Variants in GABBR2 observed in about 807,000 individuals in gnomAD.
GABBR2 encodes the protein G-protein coupled receptor 51.
Under a neutral mutation model 105.6 loss-of-function variants are expected in GABBR2, and 23 were observed. The observed-to-expected ratio is 0.22, with a 90% CI of 0.16 to 0.31. The LOEUF (loss-of-function observed/expected upper bound fraction) is 0.31, where lower values mean the gene tolerates loss of function less well. Among genes scored for constraint, GABBR2 ranks in the 10% least tolerant of loss-of-function variants. GABBR2 has a pLI of 1.00. For synonymous variants in GABBR2, 478 were observed against 499.7 expected (o/e 0.96, Z 0.58); for missense variants, 734 against 1,245.5 (o/e 0.59, Z 6.18).
At chr9:98,553,484 C>G (rs565161299) in intron 2 of GABBR2, among the ~76,000 whole-genome samples, 1 of 151,882 alleles carries the variant, frequency 6.6e-6, no homozygotes, top group South Asian at 2.1e-4. Flanking sequence ...CTCAGCTACT[C>G]GGGAGGCTGA....
At position 98,697,414 on chromosome 9, in the gene GABBR2, A is replaced by C. The variant is rs561396749; in HGVS notation, c.321+11003T>G. On this transcript the variant is annotated intron_variant, in intron 1 of 18. Transcript: ENST00000259455. ...GCGGAGGCAGGAGAATGGCGTGAACACGGGAGGCGGAGTTTGCAGTGAGCG... is the reference window on the plus strand; with the variant it reads ...GCGGAGGCAGGAGAATGGCGTGAACCCGGGAGGCGGAGTTTGCAGTGAGCG... 3.3e-3 allele frequency among the ~76,000 whole-genome samples: 506 copies of C among 151,710 alleles called. 10 individuals carry two copies. In the East Asian group the frequency reaches 0.04, roughly 12 times the overall value.
At chr9:98,618,272 A>G (rs1829615828) in intron 1 of GABBR2, among the ~76,000 whole-genome samples, 1 of 152,172 alleles carries the variant, frequency 6.6e-6, no homozygotes, top group Admixed American at 6.5e-5. Context: ...CACACTTGGC[A>G]TAATTACTAG....
At chr9:98,511,149 A>G (rs28888086) in intron 3 of GABBR2, among the ~76,000 whole-genome samples, 13,402 of 152,166 alleles carry the variant, frequency 0.088, 686 homozygotes, top group African/African-American at 0.12. Context: ...CTGCACCTCA[A>G]TGACTACTGG....
intron 13 of GABBR2, among the ~76,000 whole-genome samples, chr9:98,353,260 C>T (rs1831431240): frequency 6.6e-6 from 1 of 151,654 alleles, no homozygotes; most frequent in South Asian, 2.1e-4. Context: ...AAAGTTTTAT[C>T]ATGAGATTGC....
chr9:98,314,858 C>T (rs1358941548), intron 13 of GABBR2, among the ~76,000 whole-genome samples: 1 of 152,204 alleles, frequency 6.6e-6, no homozygotes, highest in African/African-American at 2.4e-5. Context: ...ACCACTCCTA[C>T]AGGCTTTGAA....
intron 11 of GABBR2, among the ~76,000 whole-genome samples, chr9:98,371,818 C>T (rs540379725): frequency 2.3e-4 from 35 of 152,328 alleles, no homozygotes; most frequent in African/African-American, 8.4e-4. Flanking sequence ...CTTAGATGGG[C>T]CTAGAGAGAG....
chr9:98,367,972 C>A (rs473589), intron 12 of GABBR2, among the ~76,000 whole-genome samples: 56,397 of 151,940 alleles, frequency 0.37, 13,464 homozygotes, highest in African/African-American at 0.68. Flanking sequence ...CATTTTAACC[C>A]TTTTTAAGTG....
intron 1 of GABBR2, among the ~76,000 whole-genome samples, chr9:98,603,188 A>AT (rs1409745732): frequency 6.6e-6 from 1 of 152,184 alleles, no homozygotes; most frequent in Admixed American, 6.5e-5. Flanking sequence ...AGAGCACCTC[A>AT]TTTCATTTGC....
intron 2 of GABBR2, among the ~76,000 whole-genome samples, chr9:98,577,636 C>T (rs577915152): frequency 6.6e-6 from 1 of 152,274 alleles, no homozygotes; most frequent in African/African-American, 2.4e-5. Context: ...CAGGAGATAA[C>T]ACTGGGCAGG....
intron 7 of GABBR2, among the ~76,000 whole-genome samples, chr9:98,440,825 C>G (rs976224187): frequency 5.3e-5 from 8 of 152,296 alleles, no homozygotes; most frequent in African/African-American, 1.9e-4. Context: ...CACAGCCATG[C>G]CATCCTGTCG....
chr9:98,482,499 C>G (rs1826946790), intron 4 of GABBR2, among the ~76,000 whole-genome samples: 1 of 152,128 alleles, frequency 6.6e-6, no homozygotes, highest in Non-Finnish European at 1.5e-5. Context: ...GATCTTTCTG[C>G]TTGTTCGTTA....
chr9:98,688,588 G>GTT (rs1830649419), intron 1 of GABBR2, among the ~76,000 whole-genome samples: 1 of 152,002 alleles, frequency 6.6e-6, no homozygotes, highest in African/African-American at 2.4e-5. Context: ...CATTTGCTAG[G>GTT]ACCTAGCTCC....
intron 11 of GABBR2, among the ~76,000 whole-genome samples, chr9:98,378,031 T>C (rs9886725): frequency 0.16 from 24,014 of 152,224 alleles, 3,044 homozygotes; most frequent in African/African-American, 0.35. Flanking sequence ...ACCCACATTA[T>C]TACATTGTTT....
chr9:98,431,032 A>G (rs7029453), intron 7 of GABBR2, among the ~76,000 whole-genome samples: 14,983 of 150,378 alleles, frequency 0.1, 1,164 homozygotes, highest in East Asian at 0.22. Context: ...GAAGCCCCCA[A>G]CTCCAGAACT....
intron 2 of GABBR2, among the ~76,000 whole-genome samples, chr9:98,543,876 GT>G (rs943435157): frequency 2.0e-5 from 3 of 151,418 alleles, no homozygotes; most frequent in Non-Finnish European, 4.4e-5. Flanking sequence ...GGTAATCACG[GT>G]TTTTTTTAAT....
At chr9:98,629,612 T>C (rs1829790144) in intron 1 of GABBR2, among the ~76,000 whole-genome samples, 1 of 152,238 alleles carries the variant, frequency 6.6e-6, no homozygotes, top group Non-Finnish European at 1.5e-5. Context: ...TGATTTTCAT[T>C]TGGGGTCACC....
intron 15 of GABBR2, among the ~76,000 whole-genome samples, chr9:98,304,477 C>T (rs2131351953): frequency 6.6e-6 from 1 of 152,354 alleles, no homozygotes; most frequent in East Asian, 1.9e-4. Flanking sequence ...CTTAGAGAAT[C>T]ATCTGGCCTC....
chr9:98,600,997 T>C (rs1225817686), intron 1 of GABBR2, among the ~76,000 whole-genome samples: 3 of 152,166 alleles, frequency 2.0e-5, no homozygotes, highest in Admixed American at 2.0e-4. Context: ...TTACTGTGCT[T>C]TCCAAGGCTC....
At position 98,548,979 on chromosome 9, in the gene GABBR2, A is replaced by G. The variant is rs755495245; in HGVS notation, c.460-6936T>C. 8.2e-5 allele frequency among the ~76,000 whole-genome samples: 10 copies of G among 121,632 alleles called. 4 individuals are homozygous for G. Among genetic ancestry groups the G allele is most frequent in the Non-Finnish European group, 1.5e-4 (8 of 54,058 alleles). The allele number at this position is 121,632 out of a possible 152,430, so 79.8% of individuals were successfully genotyped here. A position where few individuals can be genotyped will look rare whatever the true frequency, so the allele number is the denominator to read the frequency against. On this transcript the variant is annotated intron_variant, in intron 2 of 18. Transcript: ENST00000259455. ...GAGATGGAGTCCTGCTCTATCGCCC[A>G]GGCTGGAGTGCAGTGGTGCAATCTC...
Sources: allele counts gnomAD v4.1 joint callset (sites outside exome capture counted in the v4.1 genomes callset), GRCh38; gene constraint gnomAD v4.1.1; transcripts MANE v1.5; gene names NCBI Gene and HGNC (gene_info 2026-07-23, HGNC 2026-07-21).